The following LHFPL3 variants were observed in gnomAD, a reference collection of about 807,000 sequenced individuals.
LHFPL3 encodes the protein LHFPL tetraspan subfamily member 3 protein.
A neutral mutation model predicts 19.3 loss-of-function variants in LHFPL3; 5 were observed. The observed-to-expected ratio is 0.26, with a 90% CI of 0.14 to 0.54. The LOEUF is 0.54. Among genes scored for constraint, LHFPL3 ranks in the 20% least tolerant of loss-of-function variants. The probability of loss-of-function intolerance (pLI) is 0.94; values close to 1 mark genes in which losing one functional copy is unlikely to be tolerated. For synonymous variants in LHFPL3, 133 were observed against 126.2 expected (o/e 1.05, Z -0.36); for missense variants, 249 against 307.4 (o/e 0.81, Z 1.42).
At chr7:104,362,666 G>A (rs1370568434) in intron 1 of LHFPL3, among the ~76,000 whole-genome samples, 1 of 152,186 alleles carries the variant, frequency 6.6e-6, no homozygotes, top group Non-Finnish European at 1.5e-5. Flanking sequence ...TTGCAACAGA[G>A]AAAGAGTTTA....
chr7:104,717,703 T>C (rs558610306), intron 1 of LHFPL3, among the ~76,000 whole-genome samples: 1 of 152,270 alleles, frequency 6.6e-6, no homozygotes, highest in African/African-American at 2.4e-5. Context: ...ATATTGTTGG[T>C]GGGATTCAAA....
At chr7:104,782,484 C>T (rs1000257293) in intron 2 of LHFPL3, among the ~76,000 whole-genome samples, 4 of 152,196 alleles carry the variant, frequency 2.6e-5, no homozygotes, top group Non-Finnish European at 4.4e-5. Flanking sequence ...ACCTTCTTCT[C>T]TTCAACAACC....
chr7:104,796,246 G>C (rs979777266), intron 2 of LHFPL3, among the ~76,000 whole-genome samples: 10 of 152,208 alleles, frequency 6.6e-5, no homozygotes, highest in African/African-American at 2.2e-4. Flanking sequence ...TTGTATTTTA[G>C]AGTGTGTGAC....
chr7:104,823,725 A>G (rs375202640), intron 2 of LHFPL3, among the ~76,000 whole-genome samples: 3 of 152,166 alleles, frequency 2.0e-5, no homozygotes, highest in Non-Finnish European at 2.9e-5. Context: ...GAGCCTTTCA[A>G]TTTCTCGCTC....
At chr7:104,903,656 G>T (rs1324853866) in intron 2 of LHFPL3, among the ~76,000 whole-genome samples, 1 of 151,816 alleles carries the variant, frequency 6.6e-6, no homozygotes, top group Non-Finnish European at 1.5e-5. Context: ...AGTAGAGATG[G>T]GTTTTCGCCA....
intron 2 of LHFPL3, among the ~76,000 whole-genome samples, chr7:104,818,266 T>C (rs1562802493): frequency 6.6e-6 from 1 of 152,118 alleles, no homozygotes; most frequent in African/African-American, 2.4e-5. Flanking sequence ...AGGTAACCTA[T>C]TGAAATTGTC....
intron 1 of LHFPL3, among the ~76,000 whole-genome samples, chr7:104,479,281 C>T (rs901324441): frequency 2.6e-5 from 4 of 152,200 alleles, no homozygotes; most frequent in Admixed American, 2.6e-4. Context: ...AGGCATTTAA[C>T]TCTCTAATGG....
chr7:104,530,760 G>A (rs568764910), intron 1 of LHFPL3, among the ~76,000 whole-genome samples: 1 of 152,174 alleles, frequency 6.6e-6, no homozygotes, highest in Non-Finnish European at 1.5e-5. Flanking sequence ...ACTAAAATCT[G>A]TCTTTCTACC....
intron 1 of LHFPL3, among the ~76,000 whole-genome samples, chr7:104,714,384 A>C (rs771421361): frequency 1.3e-5 from 2 of 152,184 alleles, no homozygotes; most frequent in Non-Finnish European, 2.9e-5. Context: ...ATTTTTCACC[A>C]TCTGGATAAA....
At chr7:104,339,248 CAAAA>C (rs11384778) in intron 1 of LHFPL3, among the ~76,000 whole-genome samples, 1 of 146,210 alleles carries the variant, frequency 6.8e-6, no homozygotes, top group Admixed American at 6.7e-5. Context: ...AACTCCGTCT[CAAAA>C]AAAAAAGAAA....
intron 1 of LHFPL3, among the ~76,000 whole-genome samples, chr7:104,401,824 G>A (rs551100120): frequency 1.3e-5 from 2 of 152,242 alleles, no homozygotes; most frequent in African/African-American, 2.4e-5. Context: ...CGGCTCAGCC[G>A]TGCACCCCTC....
intron 1 of LHFPL3, among the ~76,000 whole-genome samples, chr7:104,380,218 T>G (rs185324419): frequency 1.3e-5 from 2 of 152,310 alleles, no homozygotes; most frequent in Admixed American, 1.3e-4. Flanking sequence ...CTTATGAAGA[T>G]TCATTGAGAT....
chr7:104,515,817 T>G (rs1435117304), intron 1 of LHFPL3, among the ~76,000 whole-genome samples: 1 of 152,012 alleles, frequency 6.6e-6, no homozygotes, highest in East Asian at 1.9e-4. Flanking sequence ...CTGAGGCAAT[T>G]TAAGTTGTTA....
chr7:104,834,387 C>A (rs1322164896), intron 2 of LHFPL3, among the ~76,000 whole-genome samples: 2 of 151,980 alleles, frequency 1.3e-5, no homozygotes, highest in African/African-American at 4.8e-5. Flanking sequence ...GGCTTTCAGC[C>A]TCATGCTCCT....
intron 1 of LHFPL3, among the ~76,000 whole-genome samples, chr7:104,673,147 T>G (rs1037548251): frequency 3.3e-5 from 5 of 152,324 alleles, no homozygotes; most frequent in South Asian, 4.1e-4. Context: ...TTATAGTTTT[T>G]AATGGCTTGG....
chr7:104,733,462 T>G (rs1257580082), intron 1 of LHFPL3, among the ~76,000 whole-genome samples: 1 of 152,230 alleles, frequency 6.6e-6, no homozygotes, highest in Admixed American at 6.5e-5. Context: ...AATTCATCCC[T>G]TTACCATTAT....
chr7:104,673,465 CG>C (rs1792526112), intron 1 of LHFPL3, among the ~76,000 whole-genome samples: 1 of 152,146 alleles, frequency 6.6e-6, no homozygotes, highest in South Asian at 2.1e-4. Flanking sequence ...AAAGGCAACA[CG>C]AAGGAAACTT....
At chr7:104,645,248 C>T (rs1791910731) in intron 1 of LHFPL3, among the ~76,000 whole-genome samples, 1 of 152,168 alleles carries the variant, frequency 6.6e-6, no homozygotes, top group African/African-American at 2.4e-5. Context: ...ATTTCTCCAA[C>T]TCTGTTTTTT....
intron 2 of LHFPL3, among the ~76,000 whole-genome samples, chr7:104,857,947 CAGTTAAAATCA>C (rs753320074): frequency 2.0e-5 from 3 of 152,198 alleles, no homozygotes; most frequent in Non-Finnish European, 4.4e-5. Context: ...GCTTCTGTGG[CAGTTAAAATCA>C]AGTTAAAGTC....
Sources: allele counts gnomAD v4.1 joint callset (sites outside exome capture counted in the v4.1 genomes callset), GRCh38; gene constraint gnomAD v4.1.1; transcripts MANE v1.5; gene names NCBI Gene and HGNC (gene_info 2026-07-23, HGNC 2026-07-21).